Variants in NKAIN3 observed in about 807,000 individuals in gnomAD.
NKAIN3 encodes sodium/potassium-transporting ATPase subunit beta-1-interacting protein 3.
In NKAIN3, 25 loss-of-function variants were observed where a neutral mutation model predicts 30.2. That is an observed-to-expected ratio of 0.83 (90% CI 0.60 to 1.16). The LOEUF (loss-of-function observed/expected upper bound fraction) is 1.16. NKAIN3 is among the 50% of genes most tolerant of loss of function. NKAIN3 has a pLI of 0.00. For missense variants in NKAIN3, 225 were observed against 254.1 expected (o/e 0.89, Z 0.78); for synonymous variants, 91 against 89.6 (o/e 1.02, Z -0.09).
chr8:62,272,900 T>G (rs773793401), intron 1 of NKAIN3, among the ~76,000 whole-genome samples: 1 of 152,196 alleles, frequency 6.6e-6, no homozygotes, highest in Non-Finnish European at 1.5e-5. Flanking sequence ...TCACATAAAC[T>G]GTTGTCAGTC....
intron 1 of NKAIN3, among the ~76,000 whole-genome samples, chr8:62,550,389 T>C: frequency 6.6e-6 from 1 of 152,216 alleles, no homozygotes; most frequent in South Asian, 2.1e-4. Flanking sequence ...ACGTAATGAT[T>C]TCTATGGGAT....
At chr8:62,916,708 G>C (rs562318806) in intron 4 of NKAIN3, among the ~76,000 whole-genome samples, 3 of 152,278 alleles carry the variant, frequency 2.0e-5, no homozygotes, top group South Asian at 2.1e-4. Context: ...GATTTGCAGA[G>C]AGGAAGGAAC....
chr8:62,672,177 A>C (rs1813324995), intron 3 of NKAIN3, among the ~76,000 whole-genome samples: 1 of 152,230 alleles, frequency 6.6e-6, no homozygotes, highest in African/African-American at 2.4e-5. Flanking sequence ...TAAATTAGGA[A>C]CAAGAACTAC....
chr8:62,348,283 G>T (rs770412897), intron 1 of NKAIN3, among the ~76,000 whole-genome samples: 2 of 152,066 alleles, frequency 1.3e-5, no homozygotes, highest in Non-Finnish European at 2.9e-5. Flanking sequence ...AAACTATTTG[G>T]TCTGTTTTGA....
rs189553575 is a variant in NKAIN3, at chr8:62,494,793, G to A, written c.55-84746G>A. On this transcript the variant is annotated intron_variant, in intron 1 of 6. Transcript: ENST00000623646. ...TTCTTCTTGGTTTTCTAGTTTGTAA[G>A]CCTAGAAGTGTTCATAGTAGTCTCT... Among the ~76,000 whole-genome samples the A allele has an allele frequency of 1.1e-4, 16 of 152,212 alleles. No individual in the cohort carries two copies. The East Asian group carries it at 1.5e-3, about 15-fold the overall frequency.
rs771094335 is a variant in NKAIN3, at chr8:62,747,097, G to A, written c.439G>A (p.Val147Ile). The A allele has an allele frequency of 6.8e-6, 11 of 1,612,754 alleles. No homozygotes were observed. The highest frequency in any genetic ancestry group is 9.3e-6 in the Non-Finnish European group (11 of 1,178,848). The part of the protein sequence containing the change: ...GCIVDFQYLE[V>I]IHSAVQILLS... The stretch of plus-strand genomic sequence containing the variant: ...CATCGTTGACTTCCAGTACCTGGAG[G>A]TCATCCACAGTGCTGTCCAAATACT... Residue 147 changes from valine (V) to isoleucine (I), a missense_variant, in exon 4 of 7, where the codon GTC becomes ATC. By Grantham distance (29) the Val-to-Ile change is conservative (BLOSUM62 3). Transcript: ENST00000623646.
At position 62,631,583 on chromosome 8, in the gene NKAIN3, G is replaced by T. The variant is rs114433297; in HGVS notation, c.273+41789G>T. On this transcript the variant is annotated intron_variant, in intron 3 of 6. Transcript: ENST00000623646. ...GATACTCAGAGTCCCTCGTGAATTT[G>T]CCCTTGCTAAATTTTCACTTCTCAT... is the stretch of plus-strand genomic sequence containing the variant. Among the ~76,000 whole-genome samples, 169 of 152,202 alleles carry T rather than the reference G, an allele frequency of 1.1e-3. 1 individual carries two copies. Among genetic ancestry groups the T allele is most frequent in the African/African-American group, 3.7e-3 (155 of 41,548 alleles).
chr8:62,348,820 TAATATC>T (rs1188891895), intron 1 of NKAIN3, among the ~76,000 whole-genome samples: 2 of 152,106 alleles, frequency 1.3e-5, no homozygotes, highest in African/African-American at 4.8e-5. Flanking sequence ...ATAAGAAAAA[TAATATC>T]ATTTACACAT....
intron 1 of NKAIN3, among the ~76,000 whole-genome samples, chr8:62,292,063 G>C (rs1813658716): frequency 6.6e-6 from 1 of 151,974 alleles, no homozygotes; most frequent in Non-Finnish European, 1.5e-5. Context: ...TACAACCCCT[G>C]CTTTTTTTTT....
At chr8:62,829,654 T>C (rs913559983) in intron 4 of NKAIN3, among the ~76,000 whole-genome samples, 2 of 152,118 alleles carry the variant, frequency 1.3e-5, no homozygotes, top group Non-Finnish European at 2.9e-5. Context: ...GATTTTATGA[T>C]TTTTGACAAA....
intron 3 of NKAIN3, among the ~76,000 whole-genome samples, chr8:62,634,188 G>A (rs1160759802): frequency 6.6e-6 from 1 of 151,176 alleles, no homozygotes; most frequent in African/African-American, 2.4e-5. Flanking sequence ...TTTTCCTCAG[G>A]AAACCAACAA....
rs1469730712 is a variant in NKAIN3, at chr8:62,482,315, C to A, written c.55-97224C>A. On this transcript the variant is annotated intron_variant, in intron 1 of 6. Coordinates refer to ENST00000623646, the MANE Select transcript of NKAIN3 (RefSeq NM_001304533.3). ...GCTTGAGTCTGCAAAAGCGGTGAGT[C>A]CAAAGGGAGAGGGAAGGCCATCTTG... is the stretch of plus-strand genomic sequence containing the variant. The A allele has an allele frequency of 5.9e-5, 9 of 152,234 alleles. No homozygotes were observed. The East Asian group carries it at 1.7e-3, about 30-fold the overall frequency. The allele number at this position is 152,234 out of a possible 1,614,324, so 9.4% of individuals were successfully genotyped here. A position where few individuals can be genotyped will look rare whatever the true frequency, so the allele number is the denominator to read the frequency against.
intron 4 of NKAIN3, among the ~76,000 whole-genome samples, chr8:62,878,309 C>T (rs1401759364): frequency 6.6e-6 from 1 of 151,970 alleles, no homozygotes; most frequent in African/African-American, 2.4e-5. Context: ...TCAAATAATC[C>T]TTTTCTTATC....
chr8:62,293,246 C>G (rs940466112), intron 1 of NKAIN3, among the ~76,000 whole-genome samples: 12 of 152,230 alleles, frequency 7.9e-5, no homozygotes, highest in African/African-American at 2.4e-4. Flanking sequence ...ACTTATCAGT[C>G]ATTCTCCGTC....
intron 3 of NKAIN3, among the ~76,000 whole-genome samples, chr8:62,727,586 T>C (rs571606448): frequency 9.2e-5 from 14 of 152,230 alleles, no homozygotes; most frequent in East Asian, 7.7e-4. Flanking sequence ...AAAAACACAA[T>C]ACCATTTGCA....
intron 1 of NKAIN3, among the ~76,000 whole-genome samples, chr8:62,404,047 T>C (rs1053558202): frequency 1.3e-5 from 2 of 152,232 alleles, no homozygotes. Flanking sequence ...AGTTTGTAAC[T>C]TTAAGGTTTA....
chr8:62,952,976 G>T (rs1823326927), intron 5 of NKAIN3, among the ~76,000 whole-genome samples: 2 of 152,062 alleles, frequency 1.3e-5, no homozygotes, highest in African/African-American at 2.4e-5. Flanking sequence ...TTGGTGAAAA[G>T]AATCATAAAT....
At chr8:62,835,543 C>A (rs182716758) in intron 4 of NKAIN3, among the ~76,000 whole-genome samples, 2 of 152,218 alleles carry the variant, frequency 1.3e-5, no homozygotes, top group Non-Finnish European at 2.9e-5. Flanking sequence ...TTTGAACAGA[C>A]ACTTTTTGAA....
rs117326279 is a variant in NKAIN3, at chr8:62,628,353, C to T, written c.273+38559C>T. ...CATTATTGATGTACTAAAGTTTTCC[C>T]GCTGGGTTTATCTGTGGTTTGCATA... On this transcript the variant is annotated intron_variant, in intron 3 of 6. Transcript: ENST00000623646. 2.9e-4 allele frequency among the ~76,000 whole-genome samples: 44 copies of T among 152,214 alleles called. 1 individual carries two copies. The East Asian group carries it at 7.2e-3, about 25-fold the overall frequency.
Sources: allele counts gnomAD v4.1 joint callset (sites outside exome capture counted in the v4.1 genomes callset), GRCh38; gene constraint gnomAD v4.1.1; transcripts MANE v1.5; gene names NCBI Gene and HGNC (gene_info 2026-07-23, HGNC 2026-07-21).